Variants in ODF2L observed in about 807,000 individuals in gnomAD.
The protein encoded by ODF2L is protein BCAP.
In ODF2L, 76 loss-of-function variants were observed where a neutral mutation model predicts 86.3. The observed-to-expected ratio is 0.88, with a 90% CI of 0.73 to 1.07. ODF2L has a LOEUF of 1.07. ODF2L is among the 50% of genes least tolerant of loss of function. The pLI, the probability that ODF2L is intolerant of heterozygous loss-of-function variation, is 0.00. For missense variants in ODF2L, 748 were observed against 717.4 expected (o/e 1.04, Z -0.49); for synonymous variants, 241 against 231.3 (o/e 1.04, Z -0.38).
At chr1:86,377,161 C>T (rs1225195863) in intron 7 of ODF2L, among the ~76,000 whole-genome samples, 2 of 152,166 alleles carry the variant, frequency 1.3e-5, no homozygotes, top group Non-Finnish European at 2.9e-5. Context: ...GCTACAGGAC[C>T]CATGCAAGTC....
intron 10 of ODF2L, among the ~76,000 whole-genome samples, chr1:86,370,112 A>T (rs1659695033): frequency 6.6e-6 from 1 of 152,008 alleles, no homozygotes. Flanking sequence ...ACAAAGAAAA[A>T]CAAACCTTAA....
chr1:86,371,165 C>A lies in ODF2L; in HGVS notation c.921-12G>T. The A allele has an allele frequency of 7.4e-7, 1 of 1,348,016 alleles. No homozygotes were observed. The highest frequency in any genetic ancestry group is 1.6e-5 in the South Asian group (1 of 61,658). The allele number at this position is 1,348,016 out of a possible 1,614,324, so 83.5% of individuals were successfully genotyped here. On this transcript the variant is annotated splice_polypyrimidine_tract_variant and intron_variant, in intron 9 of 17. Transcript: ENST00000317336. ...GATTAATGATTTGCCTTTATAAAAT[C>A]AATGACACATTTTATAAAAGTCATA... is the stretch of plus-strand genomic sequence containing the variant.
intron 10 of ODF2L, chr1:86,368,840 C>T (rs1410087417): frequency 1.2e-6 from 1 of 817,350 alleles, no homozygotes; most frequent in Non-Finnish European, 1.7e-6. Context: ...AATCACCTAA[C>T]ACTTCTACGT....
intron 10 of ODF2L, chr1:86,368,735 C>T: frequency 7.1e-7 from 1 of 1,400,192 alleles, no homozygotes; most frequent in African/African-American, 1.5e-5. Context: ...AAAGACAATA[C>T]AACAAAAAGT....
exon 8 of ODF2L, chr1:86,376,329 T>G (rs187270155): frequency 6.2e-7 from 1 of 1,612,558 alleles, no homozygotes; most frequent in Non-Finnish European, 8.5e-7. Flanking sequence ...AAGCTACAGT[T>G]TTTTGCCTAC....
rs771606482 is a variant in ODF2L, at chr1:86,385,515, A to C, written c.189T>G (p.Ser63=). The stretch of plus-strand genomic sequence containing the variant: ...TAAATAGTGGCAAAAGCAATTCTAC[A>C]GAATGAGTTACCAACTCCGCTTCCT... Residue 63 remains serine, a synonymous_variant, in exon 3 of 18, where the codon TCT becomes TCG. Transcript: ENST00000317336. The C allele has an allele frequency of 1.9e-6, 3 of 1,604,796 alleles. No individual in the cohort carries two copies. The Admixed American group carries it at 5.0e-5, about 27-fold the overall frequency.
At chr1:86,377,439 G>T (rs1306964022) in intron 7 of ODF2L, among the ~76,000 whole-genome samples, 2 of 152,184 alleles carry the variant, frequency 1.3e-5, no homozygotes, top group Non-Finnish European at 2.9e-5. Context: ...TCTTCTCACA[G>T]CTCCACTAGG....
At chr1:86,382,502 CT>C (rs1333074147) in intron 6 of ODF2L, 144 bp from the exon 7 acceptor site, 15 of 1,363,186 alleles carry the variant, frequency 1.1e-5, no homozygotes, top group Non-Finnish European at 1.5e-5. Context: ...ACTGCCGCCC[CT>C]ATTACAAATG....
intron 2 of ODF2L, 123 bp from the exon 3 acceptor site, chr1:86,385,713 G>T: frequency 1.6e-6 from 1 of 621,548 alleles, no homozygotes; most frequent in Non-Finnish European, 2.7e-6. Flanking sequence ...TTCAAAAGTA[G>T]CTCGAAACTT....
chr1:86,395,109 C>T (rs4534352), intron 1 of ODF2L, among the ~76,000 whole-genome samples: 48,279 of 152,058 alleles, frequency 0.32, 7,778 homozygotes, highest in East Asian at 0.41. Context: ...TCCCAAAGTG[C>T]TGGGATTACA....
exon 18 of ODF2L, chr1:86,351,907 T>C: frequency 1.7e-6 from 2 of 1,147,756 alleles, no homozygotes; most frequent in African/African-American, 1.6e-5. Flanking sequence ...CTAGGGACAT[T>C]ACAGCAAAAC....
chr1:86,377,239 C>T (rs918892812), intron 7 of ODF2L, among the ~76,000 whole-genome samples: 1 of 152,184 alleles, frequency 6.6e-6, no homozygotes, highest in African/African-American at 2.4e-5. Flanking sequence ...CCATGTTTCA[C>T]ATCTAGGTCA....
intron 11 of ODF2L, among the ~76,000 whole-genome samples, chr1:86,362,274 T>A (rs1659094044): frequency 6.6e-6 from 1 of 151,884 alleles, no homozygotes; most frequent in African/African-American, 2.4e-5. Context: ...TGACTAAATT[T>A]TTTTTTTTTT....
intron 7 of ODF2L, among the ~76,000 whole-genome samples, chr1:86,378,240 G>C (rs775577674): frequency 2.6e-5 from 4 of 152,086 alleles, no homozygotes; most frequent in Non-Finnish European, 5.9e-5. Flanking sequence ...CTTTATTCCA[G>C]TTCCCAAGAA....
chr1:86,385,439 A>G lies in ODF2L; in HGVS notation c.246+19T>C, dbSNP rs1236746252. On this transcript the variant is annotated intron_variant, in intron 3 of 17. Transcript: ENST00000317336. ...TTATACTAGCTTTTCATTTTATTAT[A>G]TATTCATAAGTCACTCACATTTTCA... The G allele has an allele frequency of 1.4e-6, 2 of 1,468,282 alleles. No individual in the cohort carries two copies. Among genetic ancestry groups the G allele is most frequent in the Non-Finnish European group, 1.9e-6 (2 of 1,058,240 alleles). The allele number at this position is 1,468,282 out of a possible 1,614,324, so 91.0% of individuals were successfully genotyped here. A position where few individuals can be genotyped will look rare whatever the true frequency, so the allele number is the denominator to read the frequency against.
chr1:86,395,900 T>G (rs1439302987), intron 1 of ODF2L, 133 bp downstream of exon 1: 1 of 152,112 alleles, frequency 6.6e-6, no homozygotes, highest in Non-Finnish European at 1.5e-5. Context: ...GGGGGCTGGG[T>G]GGGCGCGAGG....
At chr1:86,352,190 T>G in exon 18 of ODF2L, 1 of 1,521,338 alleles carries the variant, frequency 6.6e-7, no homozygotes, top group Non-Finnish European at 8.8e-7. Context: ...AAAAATAGAT[T>G]TCATGGAGTC....
At chr1:86,368,910 C>T (rs1659621071) in intron 10 of ODF2L, among the ~76,000 whole-genome samples, 1 of 152,010 alleles carries the variant, frequency 6.6e-6, no homozygotes, top group Non-Finnish European at 1.5e-5. Context: ...ATGTTATATA[C>T]ATAAATCTGT....
chr1:86,373,090 C>G (rs272507), intron 8 of ODF2L, among the ~76,000 whole-genome samples: 11 of 151,810 alleles, frequency 7.2e-5, no homozygotes, highest in Non-Finnish European at 1.6e-4. Context: ...TAACCAGAAA[C>G]GACCTGTCCC....
Sources: allele counts gnomAD v4.1 joint callset (sites outside exome capture counted in the v4.1 genomes callset), GRCh38; gene constraint gnomAD v4.1.1; transcripts MANE v1.5; gene names NCBI Gene and HGNC (gene_info 2026-07-23, HGNC 2026-07-21).